Variants in ZFPM1 observed in about 807,000 individuals in gnomAD.
ZFPM1 encodes the protein zinc finger protein, FOG family member 1, also known as zinc finger protein ZFPM1.
Under a neutral mutation model 46.3 loss-of-function variants are expected in ZFPM1, and 28 were observed. That is an observed-to-expected ratio of 0.60 (90% CI 0.45 to 0.83). The LOEUF is 0.83. Ranked by LOEUF, ZFPM1 falls within the 40% of genes least tolerant of loss-of-function variation. The probability of loss-of-function intolerance (pLI) is 0.00; values close to 1 mark genes in which losing one functional copy is unlikely to be tolerated. For missense variants in ZFPM1, 1,878 were observed against 1,432.4 expected (o/e 1.31, Z -5.02); for synonymous variants, 957 against 675.9 (o/e 1.42, Z -6.45).
Position 88,533,583 on chromosome 16 carries a change from T to C in ZFPM1, c.1625T>C (p.Ile542Thr). Residue 542 changes from isoleucine to threonine, a missense_variant, in exon 10 of 10, where the codon ATC becomes ACC. Physicochemically the swap from Ile to Thr is moderately conservative, Grantham distance 89 (BLOSUM62 -1). Transcript: ENST00000319555. ...GPDAAPPASEILAKMSELVHS... is the reference protein window; with the variant it reads ...GPDAAPPASETLAKMSELVHS... ...GACGCGGCGCCCCCCGCCTCGGAGA[T>C]CCTGGCCAAGATGTCCGAGCTGGTG... 1 of 1,499,858 alleles carries C rather than the reference T, an allele frequency of 6.7e-7. No homozygotes were observed. The highest frequency in any genetic ancestry group is 8.9e-7 in the Non-Finnish European group (1 of 1,124,548). The allele number at this position is 1,499,858 out of a possible 1,614,324, so 92.9% of individuals were successfully genotyped here.
chr16:88,477,864 C>T (rs570376372), intron 1 of ZFPM1, among the ~76,000 whole-genome samples: 1 of 152,232 alleles, frequency 6.6e-6, no homozygotes, highest in South Asian at 2.1e-4. Context: ...ACATTCAGTT[C>T]AGCAGCAGCT....
At chr16:88,522,629 A>G (rs1200239927) in intron 4 of ZFPM1, among the ~76,000 whole-genome samples, 1 of 152,246 alleles carries the variant, frequency 6.6e-6, no homozygotes, top group Non-Finnish European at 1.5e-5. Context: ...CGCAGAATCA[A>G]GACACTGACC....
intron 1 of ZFPM1, among the ~76,000 whole-genome samples, chr16:88,485,679 A>G (rs937113897): frequency 2.0e-5 from 3 of 151,998 alleles, no homozygotes; most frequent in Admixed American, 6.6e-5. Flanking sequence ...GACTCAAGCA[A>G]TCCTCCCACC....
chr16:88,533,523 G>A lies in ZFPM1; in HGVS notation c.1565G>A (p.Gly522Glu). 6.3e-6 allele frequency: 9 copies of A among 1,433,760 alleles called. No homozygotes were observed. The highest frequency in any genetic ancestry group is 8.2e-6 in the Non-Finnish European group (9 of 1,097,928). The allele number at this position is 1,433,760 out of a possible 1,614,324, so 88.8% of individuals were successfully genotyped here. A position where few individuals can be genotyped will look rare whatever the true frequency, so the allele number is the denominator to read the frequency against. The change falls in exon 10 of 10, where the codon GGG (glycine) becomes GAG (glutamate). Residue 522 changes from glycine (G) to glutamate (E), a missense_variant. Physicochemically the swap from Gly to Glu is moderately conservative, Grantham distance 98. Transcript: ENST00000319555. ...GTGCCCGGCGAGCTGGGCCTGGCCG[G>A]GGCCCTGTTCCTTCCGCAGTACGTG... ...SPVPGELGLA[G>E]ALFLPQYVFG...
At chr16:88,482,478 C>T (rs549321266) in intron 1 of ZFPM1, among the ~76,000 whole-genome samples, 3 of 152,314 alleles carry the variant, frequency 2.0e-5, no homozygotes, top group Middle Eastern at 3.4e-3. Flanking sequence ...CTCATCACCA[C>T]GGCTTTGTGT....
Position 88,533,287 on chromosome 16 carries a change from GGA to G in ZFPM1, c.1331_1332del (p.Glu444AlafsTer227), listed in dbSNP as rs1491526237. 1,530,657 of 1,537,716 alleles carry G rather than the reference GGA, an allele frequency of 1. 762,052 individuals are homozygous for G. Among genetic ancestry groups the G allele is most frequent in the Non-Finnish European group, 1 (1,147,102 of 1,147,222 alleles). ...AGGCCACCAACGGAGAGGCCAGAGC[GGA>G]GCCTCTGGCCCAGAATGGAGGCAGC... ...AEATNGEARA[E>X]PLAQNGGSSE... On this transcript the variant is annotated frameshift_variant, in exon 10 of 10. Coordinates refer to ENST00000319555, the MANE Select transcript of ZFPM1 (RefSeq NM_153813.3). LOFTEE classifies it low-confidence loss of function (END_TRUNC).
intron 1 of ZFPM1, among the ~76,000 whole-genome samples, chr16:88,478,539 TC>T (rs1908786627): frequency 6.6e-6 from 1 of 152,250 alleles, no homozygotes; most frequent in Non-Finnish European, 1.5e-5. Context: ...CCGTCCTGCC[TC>T]CCGCAGGGCT....
At chr16:88,458,969 T>C (rs1457770276) in intron 1 of ZFPM1, among the ~76,000 whole-genome samples, 1 of 152,030 alleles carries the variant, frequency 6.6e-6, no homozygotes, top group Non-Finnish European at 1.5e-5. Flanking sequence ...ACCCCATGGG[T>C]GAGGGATCAG....
chr16:88,488,820 A>G (rs1004249123), intron 2 of ZFPM1, among the ~76,000 whole-genome samples: 63 of 152,228 alleles, frequency 4.1e-4, no homozygotes, highest in Non-Finnish European at 3.5e-4. Context: ...TCTTTGAAGC[A>G]ATTAATGAGG....
At chr16:88,461,119 CCAGGG>C (rs1907840937) in intron 1 of ZFPM1, among the ~76,000 whole-genome samples, 2 of 88,980 alleles carry the variant, frequency 2.2e-5, no homozygotes, top group African/African-American at 1.3e-4. Context: ...TGGTGAGGAC[CCAGGG>C]ATGGGGCGGG....
In ZFPM1 at chr16:88,534,002, C is replaced by G; in HGVS notation, c.2044C>G (p.Arg682Gly). 1.5e-6 allele frequency: 2 copies of G among 1,376,910 alleles called. No individual in the cohort carries two copies. Among genetic ancestry groups the G allele is most frequent in the Non-Finnish European group, 1.9e-6 (2 of 1,049,696 alleles). The allele number at this position is 1,376,910 out of a possible 1,614,324, so 85.3% of individuals were successfully genotyped here. The part of the protein sequence containing the change: ...SVDDAEDDPS[R>G]TLCEACNIRF... ...GGACGACGCGGAGGACGACCCCAGC[C>G]GCACGCTGTGCGAGGCCTGCAACAT... is the stretch of plus-strand genomic sequence containing the variant. Residue 682 changes from arginine (R) to glycine (G), a missense_variant, in exon 10 of 10, where the codon CGC becomes GGC. Coordinates refer to ENST00000319555, the MANE Select transcript of ZFPM1 (RefSeq NM_153813.3).
intron 3 of ZFPM1, 199 bp downstream of exon 3, chr16:88,489,352 C>G: frequency 1.2e-6 from 1 of 826,446 alleles, no homozygotes. Context: ...TCGCGCCAAT[C>G]CCGGGCCTCA....
At chr16:88,475,826 G>A (rs560507797) in intron 1 of ZFPM1, among the ~76,000 whole-genome samples, 5 of 152,268 alleles carry the variant, frequency 3.3e-5, no homozygotes, top group Admixed American at 6.5e-5. Context: ...TGCCTGGGAC[G>A]CACGCGTGCA....
intron 3 of ZFPM1, among the ~76,000 whole-genome samples, chr16:88,500,925 C>T (rs74035509): frequency 0.1 from 15,749 of 152,320 alleles, 955 homozygotes; most frequent in South Asian, 0.22. Context: ...ACAGGTACAG[C>T]GGGCCCTCCC....
chr16:88,531,815 G>A (rs1199749716), intron 6 of ZFPM1, among the ~76,000 whole-genome samples, 187 bp from the exon 7 acceptor site: 12 of 152,178 alleles, frequency 7.9e-5, no homozygotes, highest in Admixed American at 3.9e-4. Flanking sequence ...TGGGATCTAC[G>A]GAAGGGAGTG....
At chr16:88,523,237 C>T (rs1195995004) in intron 4 of ZFPM1, among the ~76,000 whole-genome samples, 1 of 152,026 alleles carries the variant, frequency 6.6e-6, no homozygotes, top group Admixed American at 6.6e-5. Context: ...CCCCCTTCCC[C>T]CTTGCTCCCC....
intron 6 of ZFPM1, 38 bp from the exon 7 acceptor site, chr16:88,531,964 G>A: frequency 6.5e-7 from 1 of 1,547,990 alleles, no homozygotes; most frequent in Non-Finnish European, 8.8e-7. Context: ...CTGGCAGGCT[G>A]GCCTTCAGCC....
chr16:88,455,815 C>A (rs2142333398), intron 1 of ZFPM1, among the ~76,000 whole-genome samples: 1 of 152,226 alleles, frequency 6.6e-6, no homozygotes, highest in African/African-American at 2.4e-5. Context: ...GCGGCCTTGG[C>A]CGGCCAGATG....
Position 88,484,119 on chromosome 16 carries a change from G to A in ZFPM1, c.41-1820G>A, listed in dbSNP as rs1411120102. Among the ~76,000 whole-genome samples the A allele has an allele frequency of 3.3e-5, 5 of 152,192 alleles. No homozygotes were observed. The East Asian group carries it at 9.6e-4, about 29-fold the overall frequency. ...TCCCTGGAGAAACAAAGCAAAGCAG[G>A]GATCATGAGGGGCTGTGAAGGAGGA... On this transcript the variant is annotated intron_variant, in intron 1 of 9. Coordinates refer to ENST00000319555, the MANE Select transcript of ZFPM1 (RefSeq NM_153813.3).
Sources: gnomAD v4.1 joint callset for allele counts (sites outside exome capture counted in the v4.1 genomes callset) on GRCh38, gnomAD v4.1.1 for gene constraint, MANE v1.5 for transcripts, NCBI Gene and HGNC (gene_info 2026-07-23, HGNC 2026-07-21) for gene names.